DDR2: variants seen among roughly 807,000 people sequenced by gnomAD.
The protein encoded by DDR2 is discoidin domain receptor tyrosine kinase 2, also known as discoidin domain-containing receptor 2.
Under a neutral mutation model 94.9 loss-of-function variants are expected in DDR2, and 27 were observed. The ratio of observed to expected loss-of-function variants is 0.28; its 90% CI spans 0.21 to 0.39. The LOEUF (loss-of-function observed/expected upper bound fraction) is 0.39, where lower values mean the gene tolerates loss of function less well. Ranked by LOEUF, DDR2 falls within the 10% of genes least tolerant of loss-of-function variation. The probability of loss-of-function intolerance (pLI) is 1.00; values close to 1 mark genes in which losing one functional copy is unlikely to be tolerated. For missense variants in DDR2, 783 were observed against 1,076.0 expected (o/e 0.73, Z 3.81); for synonymous variants, 382 against 377.2 (o/e 1.01, Z -0.15).
chr1:162,742,947 GC>G (rs962045121), intron 3 of DDR2, among the ~76,000 whole-genome samples: 2 of 152,064 alleles, frequency 1.3e-5, no homozygotes, highest in Admixed American at 6.6e-5. Flanking sequence ...AGACGGGCAG[GC>G]CCCCATAATT....
chr1:162,723,979 T>A (rs4038287), intron 3 of DDR2, among the ~76,000 whole-genome samples: 6,409 of 152,312 alleles, frequency 0.042, 204 homozygotes, highest in East Asian at 0.15. Flanking sequence ...GGTTCACCAC[T>A]GTGGTTTTTG....
intron 2 of DDR2, among the ~76,000 whole-genome samples, chr1:162,663,479 A>C (rs1378684430): frequency 1.3e-5 from 2 of 152,184 alleles, no homozygotes; most frequent in Non-Finnish European, 2.9e-5. Flanking sequence ...TTTTCCATGT[A>C]AGTAACAAAG....
At chr1:162,671,119 G>A (rs1210672241) in intron 2 of DDR2, among the ~76,000 whole-genome samples, 9 of 152,140 alleles carry the variant, frequency 5.9e-5, no homozygotes, top group South Asian at 4.1e-4. Context: ...AACCTATCAC[G>A]TGGGAACTCA....
intron 2 of DDR2, among the ~76,000 whole-genome samples, chr1:162,702,926 T>G (rs1660493095): frequency 6.6e-6 from 1 of 152,202 alleles, no homozygotes; most frequent in Admixed American, 6.5e-5. Context: ...TCTCTCTCTC[T>G]CTGTGTGTGT....
Position 162,699,916 on chromosome 1 carries a change from A to T in DDR2, c.-27-19121A>T, listed in dbSNP as rs568265990. The stretch of plus-strand genomic sequence containing the variant: ...ACACTCAGAAAGATCTTTTCCTCCT[A>T]ATTAGCTTCTATTGTCACCTCTTCC... On this transcript the variant is annotated intron_variant, in intron 2 of 17. Transcript: ENST00000367921. 5.3e-5 allele frequency among the ~76,000 whole-genome samples: 8 copies of T among 152,262 alleles called. No homozygotes were observed. The East Asian group carries it at 1.5e-3, about 29-fold the overall frequency.
chr1:162,633,632 C>T (rs1656666623), intron 1 of DDR2, among the ~76,000 whole-genome samples: 1 of 152,228 alleles, frequency 6.6e-6, no homozygotes, highest in Non-Finnish European at 1.5e-5. Context: ...CACTCCATAC[C>T]TCTGCTTTCA....
chr1:162,665,495 A>T (rs1658505806), intron 2 of DDR2, among the ~76,000 whole-genome samples: 1 of 151,112 alleles, frequency 6.6e-6, no homozygotes, highest in African/African-American at 2.4e-5. Context: ...GACCCTTCCT[A>T]GCTCATGTAC....
chr1:162,737,933 G>A (rs1662393470), intron 3 of DDR2, among the ~76,000 whole-genome samples: 1 of 151,602 alleles, frequency 6.6e-6, no homozygotes, highest in Admixed American at 6.6e-5. Flanking sequence ...TTTTTCATGT[G>A]TTTTTTGGCT....
intron 3 of DDR2, chr1:162,741,671 G>A (rs937216608): frequency 2.0e-6 from 2 of 985,234 alleles, no homozygotes; most frequent in Middle Eastern, 5.2e-4. Flanking sequence ...CTCCCCAGGA[G>A]GTGCCTGAGG....
intron 3 of DDR2, among the ~76,000 whole-genome samples, chr1:162,730,778 T>A (rs1662001640): frequency 1.3e-5 from 2 of 152,154 alleles, no homozygotes; most frequent in South Asian, 4.1e-4. Context: ...AAAAATCAGC[T>A]CAGCTCTTCA....
intron 3 of DDR2, among the ~76,000 whole-genome samples, chr1:162,747,522 G>T (rs144534367): frequency 5.3e-5 from 8 of 152,178 alleles, no homozygotes; most frequent in Non-Finnish European, 1.2e-4. Flanking sequence ...ATCTACATCT[G>T]ACTGGTGTAC....
At chr1:162,730,698 T>G (rs540349840) in intron 3 of DDR2, among the ~76,000 whole-genome samples, 10 of 152,280 alleles carry the variant, frequency 6.6e-5, no homozygotes, top group African/African-American at 2.4e-4. Flanking sequence ...CCAGTGCTTC[T>G]TAAAAACTCC....
chr1:162,705,368 C>A (rs1450784970), intron 2 of DDR2, among the ~76,000 whole-genome samples: 1 of 152,226 alleles, frequency 6.6e-6, no homozygotes. Flanking sequence ...GTCGCTCTGG[C>A]CTCAGCCTGG....
At chr1:162,726,965 T>G (rs1260315938) in intron 3 of DDR2, among the ~76,000 whole-genome samples, 1 of 151,180 alleles carries the variant, frequency 6.6e-6, no homozygotes, top group Non-Finnish European at 1.5e-5. Context: ...GATATAAGTA[T>G]GTAAGAAACA....
chr1:162,637,791 G>C (rs889515463), intron 1 of DDR2, among the ~76,000 whole-genome samples: 2 of 152,088 alleles, frequency 1.3e-5, no homozygotes, highest in African/African-American at 4.8e-5. Flanking sequence ...TATCTGCTGA[G>C]TATACAGACA....
chr1:162,731,998 G>A (rs1477171241), intron 3 of DDR2, among the ~76,000 whole-genome samples: 2 of 152,118 alleles, frequency 1.3e-5, no homozygotes, highest in Admixed American at 6.6e-5. Context: ...TACTATGAAA[G>A]TTTCACTGTC....
chr1:162,658,829 A>AAAATAAATAAATAAAT (rs1658153139), intron 2 of DDR2, among the ~76,000 whole-genome samples: 1 of 133,622 alleles, frequency 7.5e-6, no homozygotes, highest in African/African-American at 2.7e-5. Context: ...CCTGTCTCAA[A>AAAATAAATAAATAAAT]AAATAAATAA....
At chr1:162,638,012 CT>C (rs1008163296) in intron 1 of DDR2, among the ~76,000 whole-genome samples, 11 of 152,036 alleles carry the variant, frequency 7.2e-5, no homozygotes, top group African/African-American at 1.4e-4. Context: ...TGGGACTGTA[CT>C]TTTTTTTAAT....
Position 162,773,614 on chromosome 1 carries a change from T to G in DDR2, c.1856+18T>G, listed in dbSNP as rs1292466851. 1 of 1,613,672 alleles carries G rather than the reference T, an allele frequency of 6.2e-7. No individual in the cohort carries two copies. The highest frequency in any genetic ancestry group is 8.5e-7 in the Non-Finnish European group (1 of 1,179,682). On this transcript the variant is annotated intron_variant, in intron 14 of 17. Coordinates refer to ENST00000367921, the MANE Select transcript of DDR2 (RefSeq NM_006182.4). Reference sequence around the variant, plus strand: ...AATGCCAGGTCTGTGGTCTACATTTTGAATTTTCCTTTAGGTATTTCATCT... The same window carrying G: ...AATGCCAGGTCTGTGGTCTACATTTGGAATTTTCCTTTAGGTATTTCATCT...
Sources: gnomAD v4.1 joint callset for allele counts (sites outside exome capture counted in the v4.1 genomes callset) on GRCh38, gnomAD v4.1.1 for gene constraint, MANE v1.5 for transcripts, NCBI Gene and HGNC (gene_info 2026-07-23, HGNC 2026-07-21) for gene names.